The following POC1B variants were observed in gnomAD, a reference collection of about 807,000 sequenced individuals.
The protein encoded by POC1B is POC1 centriolar protein B.
In POC1B, 44 loss-of-function variants were observed where a neutral mutation model predicts 60.6. The ratio of observed to expected loss-of-function variants is 0.73; its 90% confidence interval spans 0.57 to 0.93. The LOEUF is 0.93. Among genes scored for constraint, POC1B ranks in the 40% least tolerant of loss-of-function variants. The pLI is 0.00. For synonymous variants in POC1B, 180 were observed against 198.9 expected, an observed-to-expected ratio of 0.90 and a Z score of 0.80; for missense variants, 555 against 572.3, an observed-to-expected ratio of 0.97 and a Z score of 0.31.
intron 10 of POC1B, among the ~76,000 whole-genome samples, chr12:89,433,744 G>A (rs1185705623): frequency 3.3e-5 from 5 of 152,136 alleles, no homozygotes; most frequent in Non-Finnish European, 7.3e-5. Context: ...CAAAGGACTC[G>A]GATAGTCACA....
At chr12:89,414,790 C>T (rs548597664), downstream of POC1B, among the ~76,000 whole-genome samples, 136 of 152,272 alleles carry the variant, frequency 8.9e-4, no homozygotes, top group Middle Eastern at 3.4e-3. Flanking sequence ...CCAACTATTT[C>T]TACCCAGGAA....
At chr12:89,450,990 T>C (rs1882019798) in intron 10 of POC1B, among the ~76,000 whole-genome samples, 1 of 152,206 alleles carries the variant, frequency 6.6e-6, no homozygotes, top group Non-Finnish European at 1.5e-5. Context: ...AGATATTAAA[T>C]GTATGAAACT....
At chr12:89,428,066 T>A (rs943347987) in intron 10 of POC1B, 3 of 152,184 alleles carry the variant, frequency 2.0e-5, no homozygotes, top group Non-Finnish European at 4.4e-5. Flanking sequence ...CTCTAAGAAA[T>A]CTTGACTCAT....
chr12:89,402,648 T>TCTAA, the POC1B span, among the ~76,000 whole-genome samples: 9 of 152,200 alleles, frequency 5.9e-5, no homozygotes, highest in Non-Finnish European at 1.3e-4. Flanking sequence ...CTGCATTAGT[T>TCTAA]TGCTGAGAAT....
At chr12:89,510,000 C>T (rs1870098418) in intron 2 of POC1B, among the ~76,000 whole-genome samples, 1 of 122,254 alleles carries the variant, frequency 8.2e-6, no homozygotes, top group Non-Finnish European at 1.8e-5. Context: ...CATGCGCCAC[C>T]ACACTCAGTT....
chr12:89,434,520 A>C (rs987859900), intron 10 of POC1B, among the ~76,000 whole-genome samples: 42 of 152,252 alleles, frequency 2.8e-4, no homozygotes, highest in African/African-American at 1.0e-3. Flanking sequence ...TTATATGATT[A>C]AGAAAACACA....
Position 89,502,705 on chromosome 12 carries a change from C to T in POC1B, c.101-5363G>A, listed in dbSNP as rs1392681713. The stretch of plus-strand genomic sequence containing the variant: ...AGGTATATAACACATTGGATACACC[C>T]TTTTTTTCTACTGGGAAATTGATAT... On this transcript the variant is annotated intron_variant, in intron 2 of 11. Coordinates refer to ENST00000313546, the MANE Select transcript of POC1B (RefSeq NM_172240.3). The T allele has an allele frequency of 6.7e-6, 9 of 1,345,566 alleles. No individual in the cohort carries two copies. In the African/African-American group the frequency reaches 1.2e-4, roughly 17 times the overall value. The allele number at this position is 1,345,566 out of a possible 1,614,324, so 83.4% of individuals were successfully genotyped here.
Position 89,425,126 on chromosome 12 carries a change from C to T in POC1B, c.1332+35G>A, listed in dbSNP as rs1880706126. ...CAGAATTGTTTTGTGTATTTTACCC[C>T]CAAGTGCAACTCATGCAACCTGTGT... On this transcript the variant is annotated intron_variant, in intron 11 of 11. Transcript: ENST00000313546. 3 of 1,601,722 alleles carry T rather than the reference C, an allele frequency of 1.9e-6. No individual in the cohort carries two copies. In the East Asian group the frequency reaches 6.7e-5, roughly 36 times the overall value.
chr12:89,479,402 T>C (rs187839884), intron 4 of POC1B, among the ~76,000 whole-genome samples: 1 of 152,282 alleles, frequency 6.6e-6, no homozygotes, highest in Admixed American at 6.5e-5. Context: ...TTTCATGTGA[T>C]GGCAAAAAAG....
At position 89,525,971 on chromosome 12, in the gene POC1B, G is replaced by A; in HGVS notation, c.-76C>T. The A allele has an allele frequency of 1.3e-6, 2 of 1,545,984 alleles. No homozygotes were observed. Among genetic ancestry groups the A allele is most frequent in the Non-Finnish European group, 1.7e-6 (2 of 1,145,554 alleles). On this transcript the variant is annotated 5_prime_UTR_variant, in exon 1 of 12. Coordinates refer to ENST00000313546, the MANE Select transcript of POC1B (RefSeq NM_172240.3). ...GGAGGGGAGAGGATGGGGAAGGAGA[G>A]GGGACCGTGCGGCTCCCGGAACCGT...
At chr12:89,484,875 T>C (rs1215160972) in intron 4 of POC1B, among the ~76,000 whole-genome samples, 16 of 152,156 alleles carry the variant, frequency 1.1e-4, no homozygotes, top group Admixed American at 1.0e-3. Flanking sequence ...CACTGGCAGG[T>C]GCGTGGATGG....
intron 10 of POC1B, among the ~76,000 whole-genome samples, chr12:89,454,273 A>G (rs1882167341): frequency 6.6e-6 from 1 of 152,046 alleles, no homozygotes; most frequent in African/African-American, 2.4e-5. Flanking sequence ...GCTGACATTC[A>G]CTCTGTCAGG....
At chr12:89,447,544 T>G (rs1881840384) in intron 10 of POC1B, among the ~76,000 whole-genome samples, 1 of 152,102 alleles carries the variant, frequency 6.6e-6, no homozygotes, top group Non-Finnish European at 1.5e-5. Context: ...CATACAATTG[T>G]TTTTGCTTCA....
intron 10 of POC1B, among the ~76,000 whole-genome samples, chr12:89,443,103 C>T (rs1453807960): frequency 6.6e-6 from 1 of 152,186 alleles, no homozygotes; most frequent in Non-Finnish European, 1.5e-5. Context: ...ATTCATAAAG[C>T]AAGTCCTTAG....
At chr12:89,504,989 G>C (rs576850371) in intron 2 of POC1B, among the ~76,000 whole-genome samples, 1 of 152,086 alleles carries the variant, frequency 6.6e-6, no homozygotes, top group South Asian at 2.1e-4. Flanking sequence ...TAAGAAAAAG[G>C]CACACTACCC....
intron 7 of POC1B, 117 bp from the exon 8 acceptor site, chr12:89,467,802 C>A: frequency 1.6e-6 from 1 of 621,092 alleles, no homozygotes; most frequent in Non-Finnish European, 2.7e-6. Context: ...TGCAATAAGT[C>A]TAATAAAACA....
Position 89,419,881 on chromosome 12 carries a change from G to A in POC1B, c.*1272C>T, listed in dbSNP as rs546379201. The A allele has an allele frequency of 5.3e-5, 8 of 152,214 alleles. No homozygotes were observed. Among genetic ancestry groups the A allele is most frequent in the South Asian group, 2.1e-4 (1 of 4,826 alleles). 9.4% of individuals were successfully genotyped at this position (152,214 alleles called of 1,614,324 possible). A position where few individuals can be genotyped will look rare whatever the true frequency, so the allele number is the denominator to read the frequency against. On this transcript the variant is annotated 3_prime_UTR_variant, in exon 12 of 12. Transcript: ENST00000313546. Reference sequence around the variant, plus strand: ...ATGTCCAGAAGCTCACACTTAGTATGATATTAAAAGGCACTTATAACACAC... The same window carrying A: ...ATGTCCAGAAGCTCACACTTAGTATAATATTAAAAGGCACTTATAACACAC...
At chr12:89,406,368 A>G in the POC1B span, among the ~76,000 whole-genome samples, 1 of 152,280 alleles carries the variant, frequency 6.6e-6, no homozygotes, top group Admixed American at 6.5e-5. Context: ...CCATTTGAAT[A>G]CTGTTCTAAT....
chr12:89,495,423 C>T (rs1869194210), intron 3 of POC1B, among the ~76,000 whole-genome samples: 1 of 152,230 alleles, frequency 6.6e-6, no homozygotes, highest in African/African-American at 2.4e-5. Context: ...GTTTTCACTA[C>T]CATTGGAATA....
Sources: gnomAD v4.1 joint callset for allele counts (sites outside exome capture counted in the v4.1 genomes callset) on GRCh38, gnomAD v4.1.1 for gene constraint, MANE v1.5 for transcripts, NCBI Gene and HGNC (gene_info 2026-07-23, HGNC 2026-07-21) for gene names.